Variants in ACTN2 observed in about 807,000 individuals in gnomAD.
ACTN2 encodes the protein actinin alpha 2, also known as alpha-actinin-2.
ACTN2 carries 39 observed loss-of-function variants against 113.8 expected under a neutral mutation model. The observed-to-expected ratio is 0.34, with a 90% CI of 0.27 to 0.45. The LOEUF is 0.45. ACTN2 is among the 20% of genes least tolerant of loss of function. The pLI is 1.00. For missense variants in ACTN2, 992 were observed against 1,177.9 expected (o/e 0.84, Z 2.31); for synonymous variants, 429 against 444.1 (o/e 0.97, Z 0.43).
chr1:236,729,457 G>A (rs183039823), intron 6 of ACTN2, among the ~76,000 whole-genome samples: 11 of 152,318 alleles, frequency 7.2e-5, no homozygotes, highest in Admixed American at 1.3e-4. Context: ...CGCCATTCAC[G>A]TGCTGTTGCT....
chr1:236,731,649 G>T (rs2102911568), intron 7 of ACTN2, among the ~76,000 whole-genome samples: 1 of 152,240 alleles, frequency 6.6e-6, no homozygotes, highest in East Asian at 1.9e-4. Context: ...ACAACATAAT[G>T]TTTTCTCCCT....
chr1:236,709,255 T>TATATATATATACAC (rs796606511), intron 1 of ACTN2, among the ~76,000 whole-genome samples: 2 of 68,904 alleles, frequency 2.9e-5, no homozygotes, highest in African/African-American at 1.1e-4. Flanking sequence ...TATATATATA[T>TATATATATATACAC]ACACACACAC....
intron 7 of ACTN2, among the ~76,000 whole-genome samples, chr1:236,732,411 T>C (rs1658735374): frequency 6.7e-6 from 1 of 150,312 alleles, no homozygotes; most frequent in Non-Finnish European, 1.5e-5. Flanking sequence ...CTGTGAATAT[T>C]TTCTTTTCTT....
intron 1 of ACTN2, among the ~76,000 whole-genome samples, chr1:236,712,379 G>A (rs1234130248): frequency 6.6e-6 from 1 of 152,090 alleles, no homozygotes; most frequent in Non-Finnish European, 1.5e-5. Context: ...TCTTTTTTCT[G>A]CATTTAAGTT....
intron 1 of ACTN2, among the ~76,000 whole-genome samples, chr1:236,687,339 A>G (rs1393061289): frequency 6.6e-6 from 1 of 152,158 alleles, no homozygotes; most frequent in African/African-American, 2.4e-5. Context: ...TTCACACTCT[A>G]TTTATAATTC....
intron 1 of ACTN2, among the ~76,000 whole-genome samples, chr1:236,710,923 C>T (rs183118717): frequency 4.5e-4 from 69 of 152,218 alleles, no homozygotes; most frequent in Admixed American, 1.6e-3. Flanking sequence ...AATTGTCTTC[C>T]ACGAAACCGG....
chr1:236,715,746 A>G lies in ACTN2; in HGVS notation c.127-2112A>G, dbSNP rs368652438. Among the ~76,000 whole-genome samples the G allele has an allele frequency of 8.3e-4, 127 of 152,274 alleles. 3 individuals carry two copies. The South Asian group carries it at 0.024, about 28-fold the overall frequency. On this transcript the variant is annotated intron_variant, in intron 1 of 20. Coordinates refer to ENST00000366578, the MANE Select transcript of ACTN2 (RefSeq NM_001103.4). ...CGAGGCAGATGGATCACCTGAAGTC[A>G]GGAGTTTAAGACCAGTCTGGCCAAC...
chr1:236,749,519 G>A (rs562927517), intron 14 of ACTN2, among the ~76,000 whole-genome samples: 12 of 152,296 alleles, frequency 7.9e-5, no homozygotes, highest in African/African-American at 2.6e-4. Context: ...TGCTGAGGCT[G>A]GGCGCAGTGG....
At chr1:236,743,153 T>C in intron 11 of ACTN2, 110 bp downstream of exon 11, 1 of 1,346,122 alleles carries the variant, frequency 7.4e-7, no homozygotes, top group Non-Finnish European at 1.0e-6. Context: ...ACACTAAAGG[T>C]AGGTGTCGTC....
At position 236,757,483 on chromosome 1, in the gene ACTN2, T is replaced by C. The variant is rs764437378; in HGVS notation, c.2155-3T>C. 2.5e-6 allele frequency: 4 copies of C among 1,614,012 alleles called. No homozygotes were observed. In the Admixed American group the frequency reaches 6.7e-5, roughly 27 times the overall value. On this transcript the variant is annotated splice_region_variant and splice_polypyrimidine_tract_variant and intron_variant, in intron 17 of 20. Transcript: ENST00000366578. ...ACTGATCTTTCCCCTTTTCCCTCAA[T>C]AGCACATTCGTGTTGGATGGGAGCT...
At chr1:236,760,258 G>A (rs1659667422) in intron 19 of ACTN2, among the ~76,000 whole-genome samples, 1 of 151,100 alleles carries the variant, frequency 6.6e-6, no homozygotes, top group Admixed American at 6.6e-5. Context: ...AAAAAAAAAA[G>A]TCACAGAACC....
At chr1:236,736,443 T>C in intron 8 of ACTN2, 1 of 652,000 alleles carries the variant, frequency 1.5e-6, no homozygotes, top group East Asian at 2.8e-5. Context: ...TTAGGCAAGC[T>C]TCTCTTGTTC....
Position 236,743,011 on chromosome 1 carries a change from A to T in ACTN2, c.1223A>T (p.Gln408Leu). 6.2e-7 allele frequency: 1 copy of T among 1,614,242 alleles called. No homozygotes were observed. The highest frequency in any genetic ancestry group is 8.5e-7 in the Non-Finnish European group (1 of 1,180,044). ...GAACACCTGGCTGAGAAGTTCAGGC[A>T]GAAGGCCTCAACGCACGAGACTTGG... is the stretch of plus-strand genomic sequence containing the variant. Reference protein sequence around the residue: ...RLEHLAEKFRQKASTHETWAY... With the variant: ...RLEHLAEKFRLKASTHETWAY... The change falls in exon 11 of 21, where the codon CAG becomes CTG. Residue 408 changes from glutamine to leucine, a missense_variant. Gln to Leu is a moderately radical substitution (Grantham distance 113). Around this residue, in one of 3 missense-constraint regions of ACTN2, gnomAD observed 736 missense variants for 815.4 expected, o/e 0.90. Coordinates refer to ENST00000366578, the MANE Select transcript of ACTN2 (RefSeq NM_001103.4).
chr1:236,760,761 G>A (rs1043171971), intron 19 of ACTN2, among the ~76,000 whole-genome samples: 1 of 152,178 alleles, frequency 6.6e-6, no homozygotes, highest in Non-Finnish European at 1.5e-5. Context: ...GCCAGCAGTG[G>A]GTCCCAGAGA....
rs527598400 is a variant in ACTN2, at chr1:236,759,576, C to CAAG, written c.2302-148_2302-147insAAG. ...CTAGTTTGTAACATCCTTGTGCTGG[C>CAAG]TCCATCCTTCTCGCAAGTCAGTGGT... On this transcript the variant is annotated intron_variant, in intron 18 of 20. Coordinates refer to ENST00000366578, the MANE Select transcript of ACTN2 (RefSeq NM_001103.4). 8.5e-4 allele frequency: 611 copies of CAAG among 715,212 alleles called. 3 individuals carry two copies. In the East Asian group the frequency reaches 0.011, roughly 13 times the overall value. The allele number at this position is 715,212 out of a possible 1,614,324, so 44.3% of individuals were successfully genotyped here.
Position 236,708,223 on chromosome 1 carries a change from C to T in ACTN2, c.127-9635C>T, listed in dbSNP as rs187278389. ...TGGGCAGAGAATAAAAGGGCTGCTG[C>T]GTAGTTAGATGCCTAATTATGTAAG... is the stretch of plus-strand genomic sequence containing the variant. On this transcript the variant is annotated intron_variant, in intron 1 of 20. Coordinates refer to ENST00000366578, the MANE Select transcript of ACTN2 (RefSeq NM_001103.4). Among the ~76,000 whole-genome samples, 529 of 152,218 alleles carry T rather than the reference C, an allele frequency of 3.5e-3. 3 individuals carry two copies. Among genetic ancestry groups the T allele is most frequent in the African/African-American group, 0.012 (505 of 41,516 alleles).
chr1:236,736,556 AG>A, intron 8 of ACTN2: 1 of 1,508,756 alleles, frequency 6.6e-7, no homozygotes, highest in South Asian at 1.2e-5. Context: ...CTTCTCATCT[AG>A]GTTAGACAAA....
Position 236,761,110 on chromosome 1 carries a change from G to A in ACTN2, c.2463G>A (p.Glu821=). Residue 821 remains glutamate (E), a synonymous_variant, in exon 20 of 21, where the codon GAG becomes GAA. Coordinates refer to ENST00000366578, the MANE Select transcript of ACTN2 (RefSeq NM_001103.4). ...FQSFIDFMTR[E]TADTDTAEQV... is the part of the protein sequence containing the mutation. The stretch of plus-strand genomic sequence containing the variant: ...CCTTCATCGACTTCATGACTAGAGA[G>A]ACGGCTGACACCGACACTGCCGAGC... The A allele has an allele frequency of 6.2e-7, 1 of 1,614,166 alleles. No individual in the cohort carries two copies. The highest frequency in any genetic ancestry group is 8.5e-7 in the Non-Finnish European group (1 of 1,180,030).
intron 4 of ACTN2, among the ~76,000 whole-genome samples, chr1:236,725,153 C>A (rs1056733997): frequency 5.9e-5 from 9 of 152,160 alleles, no homozygotes; most frequent in Admixed American, 2.6e-4. Flanking sequence ...AGACTCACTT[C>A]AATTACAGAT....
Sources: allele counts gnomAD v4.1 joint callset (sites outside exome capture counted in the v4.1 genomes callset), GRCh38; gene constraint gnomAD v4.1.1; regional missense constraint gnomAD v4.1.1; transcripts MANE v1.5; gene names NCBI Gene and HGNC (gene_info 2026-07-23, HGNC 2026-07-21).